Variants in KANK4 observed in about 807,000 individuals in gnomAD.
KANK4 encodes KN motif and ankyrin repeat domain-containing protein 4.
In KANK4, 50 loss-of-function variants were observed where a neutral mutation model predicts 80.8. The ratio of observed to expected loss-of-function variants is 0.62; its 90% CI spans 0.49 to 0.78. The LOEUF (loss-of-function observed/expected upper bound fraction) is 0.78, where lower values mean the gene tolerates loss of function less well. Ranked by LOEUF, KANK4 falls within the 30% of genes least tolerant of loss-of-function variation. KANK4 has a pLI of 0.00. For missense variants in KANK4, 1,196 were observed against 1,240.1 expected (o/e 0.96, Z 0.53); for synonymous variants, 465 against 506.9 (o/e 0.92, Z 1.11).
At chr1:62,298,358 T>C (rs1644384499) in intron 1 of KANK4, 2 of 152,342 alleles carry the variant, frequency 1.3e-5, no homozygotes, top group South Asian at 4.1e-4. Context: ...TTTGGTAAAC[T>C]GTAGTTCATT....
intron 1 of KANK4, among the ~76,000 whole-genome samples, chr1:62,306,464 T>G (rs1397814931): frequency 4.6e-5 from 7 of 152,238 alleles, no homozygotes; most frequent in African/African-American, 1.7e-4. Context: ...TGTAGTTACA[T>G]ATCATATATA....
At position 62,274,712 on chromosome 1, in the gene KANK4, G is replaced by A. The variant is rs1672265922; in HGVS notation, c.392C>T (p.Ala131Val). Reference sequence around the variant, plus strand: ...CTGTCTGGTGGCCTCTGCCAACAGAGCCTTCCTGTGGTAGCTCACCTCACT... The same window carrying A: ...CTGTCTGGTGGCCTCTGCCAACAGAACCTTCCTGTGGTAGCTCACCTCACT... Reference protein sequence around the residue: ...SRSEVSYHRKALLAEATRQLE... With the variant: ...SRSEVSYHRKVLLAEATRQLE... The change falls in exon 3 of 10, where the codon GCT (alanine) becomes GTT (valine). Residue 131 changes from alanine to valine, a missense_variant. Coordinates refer to ENST00000371153, the MANE Select transcript of KANK4 (RefSeq NM_181712.5). 6.2e-7 allele frequency: 1 copy of A among 1,614,216 alleles called. No homozygotes were observed. Among genetic ancestry groups the A allele is most frequent in the Non-Finnish European group, 8.5e-7 (1 of 1,180,044 alleles).
chr1:62,247,454 A>G lies in KANK4; in HGVS notation c.2883+18T>C. ...CCTGCCCAGCAACAGCTACTTGTTA[A>G]TTGCCTGTAAGTCTCACCTTGTCAG... is the stretch of plus-strand genomic sequence containing the variant. On this transcript the variant is annotated intron_variant, in intron 9 of 9. Coordinates refer to ENST00000371153, the MANE Select transcript of KANK4 (RefSeq NM_181712.5). 1.2e-6 allele frequency: 2 copies of G among 1,612,588 alleles called. No individual in the cohort carries two copies. The highest frequency in any genetic ancestry group is 1.7e-6 in the Non-Finnish European group (2 of 1,179,362).
intron 1 of KANK4, among the ~76,000 whole-genome samples, chr1:62,282,708 G>A (rs535186961): frequency 7.9e-5 from 12 of 152,308 alleles, no homozygotes; most frequent in African/African-American, 2.6e-4. Context: ...TTCTTCCTGC[G>A]AGTGCTGCTT....
At chr1:62,310,566 C>T (rs1465481908) in intron 1 of KANK4, among the ~76,000 whole-genome samples, 2 of 152,136 alleles carry the variant, frequency 1.3e-5, no homozygotes, top group African/African-American at 4.8e-5. Flanking sequence ...ACTGAGAAGG[C>T]CTCCATGACA....
chr1:62,237,119 T>C lies in KANK4; in HGVS notation c.*1158A>G, dbSNP rs1671220659. 1 of 148,884 alleles carries C rather than the reference T, an allele frequency of 6.7e-6. No individual in the cohort carries two copies. The highest frequency in any genetic ancestry group is 2.1e-4 in the South Asian group (1 of 4,694). 9.2% of individuals were successfully genotyped at this position (148,884 alleles called of 1,614,324 possible). A position where few individuals can be genotyped will look rare whatever the true frequency, so the allele number is the denominator to read the frequency against. On this transcript the variant is annotated 3_prime_UTR_variant, in exon 10 of 10. Coordinates refer to ENST00000371153, the MANE Select transcript of KANK4 (RefSeq NM_181712.5). ...CATCAAACTTTGACATTACTTCTTT[T>C]TATATAAGGGGCTTTTTTTTTTTTT...
chr1:62,301,927 T>G (rs1644415155), intron 1 of KANK4, among the ~76,000 whole-genome samples: 2 of 148,736 alleles, frequency 1.3e-5, no homozygotes, highest in African/African-American at 2.5e-5. Flanking sequence ...GGGTGGGGGG[T>G]GGTGAGAAGC....
intron 7 of KANK4, among the ~76,000 whole-genome samples, chr1:62,261,406 C>G (rs561694253): frequency 1.3e-5 from 2 of 151,972 alleles, no homozygotes; most frequent in Non-Finnish European, 2.9e-5. Context: ...ATGATCCACC[C>G]GCTTCGGCCT....
chr1:62,313,741 C>A (rs1483857376), intron 1 of KANK4, among the ~76,000 whole-genome samples: 1 of 152,100 alleles, frequency 6.6e-6, no homozygotes, highest in African/African-American at 2.4e-5. Flanking sequence ...GGACAAATAC[C>A]TAATGCATGC....
chr1:62,257,557 C>T (rs1205839479), intron 7 of KANK4, among the ~76,000 whole-genome samples: 1 of 152,214 alleles, frequency 6.6e-6, no homozygotes, highest in African/African-American at 2.4e-5. Flanking sequence ...GTTGAGCCGG[C>T]AGAGGTGCAC....
chr1:62,259,544 C>T (rs58886986), intron 7 of KANK4, among the ~76,000 whole-genome samples: 2,179 of 152,036 alleles, frequency 0.014, 47 homozygotes, highest in African/African-American at 0.05. Flanking sequence ...CCCAAAGTGC[C>T]AGGATTATAG....
At chr1:62,252,296 TCTTCGCAGCAACTGCTGCTCCCAGC>T in intron 8 of KANK4, among the ~76,000 whole-genome samples, 1 of 152,364 alleles carries the variant, frequency 6.6e-6, no homozygotes, top group East Asian at 1.9e-4. Context: ...CCCTACTGGG[TCTTCGCAGCAACTGCTGCTCCCAGC>T]CTGGCCCATA....
At chr1:62,289,303 A>G (rs1159976509) in intron 1 of KANK4, among the ~76,000 whole-genome samples, 3 of 152,240 alleles carry the variant, frequency 2.0e-5, no homozygotes, top group Admixed American at 6.5e-5. Context: ...CCAGGTATCG[A>G]GACCATCAGA....
At chr1:62,243,505 A>AT (rs1249653186) in intron 9 of KANK4, among the ~76,000 whole-genome samples, 1 of 151,886 alleles carries the variant, frequency 6.6e-6, no homozygotes, top group African/African-American at 2.4e-5. Context: ...TGCCTGGCTA[A>AT]TTTTTGTGTT....
intron 1 of KANK4, among the ~76,000 whole-genome samples, 187 bp from the exon 2 acceptor site, chr1:62,281,821 C>T (rs891753061): frequency 3.3e-5 from 5 of 152,166 alleles, no homozygotes; most frequent in Non-Finnish European, 7.3e-5. Flanking sequence ...CTGGGTGTTT[C>T]TTCATGGAAT....
At chr1:62,240,735 C>T (rs1265617794) in intron 9 of KANK4, among the ~76,000 whole-genome samples, 2 of 152,130 alleles carry the variant, frequency 1.3e-5, no homozygotes, top group Non-Finnish European at 2.9e-5. Flanking sequence ...GGGACATGCA[C>T]ATTTTCACCT....
chr1:62,298,902 T>A (rs1047113443), intron 1 of KANK4, among the ~76,000 whole-genome samples: 1 of 151,876 alleles, frequency 6.6e-6, no homozygotes, highest in African/African-American at 2.4e-5. Context: ...TATTATTTAC[T>A]CTTCTCAAAG....
At chr1:62,294,781 A>G (rs369908451) in intron 1 of KANK4, among the ~76,000 whole-genome samples, 41 of 152,310 alleles carry the variant, frequency 2.7e-4, no homozygotes, top group African/African-American at 9.9e-4. Flanking sequence ...AAAGATGGTG[A>G]CCACCCAGCC....
chr1:62,276,721 G>A (rs554757899), intron 2 of KANK4, among the ~76,000 whole-genome samples: 1 of 148,778 alleles, frequency 6.7e-6, no homozygotes, highest in Non-Finnish European at 1.5e-5. Context: ...AGGTTGCAGT[G>A]AGCCGAGATT....
Sources: gnomAD v4.1 joint callset for allele counts (sites outside exome capture counted in the v4.1 genomes callset) on GRCh38, gnomAD v4.1.1 for gene constraint, MANE v1.5 for transcripts, NCBI Gene and HGNC (gene_info 2026-07-23, HGNC 2026-07-21) for gene names.